The following QTRT2 variants were observed in gnomAD, a reference collection of about 807,000 sequenced individuals.
QTRT2 encodes queuine tRNA-ribosyltransferase accessory subunit 2.
In QTRT2, 32 loss-of-function variants were observed where a neutral mutation model predicts 44.8. That is an observed-to-expected ratio of 0.71 (90% CI 0.54 to 0.96). QTRT2 has a LOEUF of 0.96. Among genes scored for constraint, QTRT2 ranks in the 40% least tolerant of loss-of-function variants. QTRT2 has a pLI of 0.00. For synonymous variants in QTRT2, 182 were observed against 187.4 expected (o/e 0.97, Z 0.24); for missense variants, 461 against 503.1 (o/e 0.92, Z 0.80).
At chr3:114,072,339 G>A (rs2077034996) in intron 6 of QTRT2, among the ~76,000 whole-genome samples, 1 of 152,122 alleles carries the variant, frequency 6.6e-6, no homozygotes, top group Admixed American at 6.5e-5. Context: ...TTTTAGCTGA[G>A]ACGAGGTTTC....
At chr3:114,056,892 GGGAGCTGCTA>G in intron 1 of QTRT2, 28 bp downstream of exon 1, 1 of 1,535,288 alleles carries the variant, frequency 6.5e-7, no homozygotes, top group Non-Finnish European at 8.7e-7. Flanking sequence ...CTGCTGGTGT[GGGAGCTGCTA>G]GAGATGGATG....
chr3:114,067,934 A>G (rs1441460272), intron 4 of QTRT2, 53 bp from the exon 5 acceptor site: 2 of 1,492,380 alleles, frequency 1.3e-6, no homozygotes, highest in East Asian at 2.3e-5. Context: ...GCTATAATAC[A>G]GTGTCATTGT....
chr3:114,086,286 G>A lies in QTRT2; in HGVS notation c.*382G>A. 4.0e-6 allele frequency: 1 copy of A among 250,704 alleles called. No homozygotes were observed. Among genetic ancestry groups the A allele is most frequent in the South Asian group, 5.1e-5 (1 of 19,692 alleles). The allele number at this position is 250,704 out of a possible 1,614,324, so 15.5% of individuals were successfully genotyped here. A position where few individuals can be genotyped will look rare whatever the true frequency, so the allele number is the denominator to read the frequency against. On this transcript the variant is annotated 3_prime_UTR_variant, in exon 10 of 10. Transcript: ENST00000281273. ...GAGGGGAAATGGTGTGAGACGAATG[G>A]GCTCTGGACATATGCCTGTTGATTT...
rs1231944050 is a variant in QTRT2 at position 114,085,693 on chromosome 3, C to T, written c.1037C>T (p.Pro346Leu). ...KEKKYQEDFN[P>L]LVRGCSCYCC... is the part of the protein sequence containing the mutation. ...CTTAGGTACCAGGAGGACTTTAACC[C>T]GCTGGTGAGAGGATGTTCCTGTTAC... The change falls in exon 10 of 10, where the codon CCG becomes CTG. Residue 346 changes from proline (P) to leucine (L), a missense_variant. Transcript: ENST00000281273. 8 of 1,613,922 alleles carry T rather than the reference C, an allele frequency of 5.0e-6. No homozygotes were observed. The highest frequency in any genetic ancestry group is 1.3e-5 in the African/African-American group (1 of 74,918).
chr3:114,062,139 G>C (rs755141151), intron 2 of QTRT2, among the ~76,000 whole-genome samples: 6 of 152,088 alleles, frequency 3.9e-5, no homozygotes, highest in Non-Finnish European at 8.8e-5. Context: ...GTCAAGGCAG[G>C]AGGATCACTT....
At chr3:114,068,646 A>G (rs1038840433) in intron 5 of QTRT2, among the ~76,000 whole-genome samples, 3 of 152,148 alleles carry the variant, frequency 2.0e-5, no homozygotes, top group African/African-American at 7.2e-5. Context: ...CTTTTCCTGC[A>G]CTCACTTTAT....
At chr3:114,085,128 C>T (rs2077218287) in intron 9 of QTRT2, among the ~76,000 whole-genome samples, 1 of 152,166 alleles carries the variant, frequency 6.6e-6, no homozygotes, top group African/African-American at 2.4e-5. Flanking sequence ...TCTGATGCTC[C>T]TTTGTAACCC....
intron 6 of QTRT2, among the ~76,000 whole-genome samples, chr3:114,073,908 A>G (rs2077056379): frequency 6.6e-6 from 1 of 152,166 alleles, no homozygotes; most frequent in Non-Finnish European, 1.5e-5. Context: ...ATCTTTTCCC[A>G]TGATTCCCTC....
At chr3:114,068,197 G>C in intron 5 of QTRT2, 134 bp downstream of exon 5, 1 of 706,450 alleles carries the variant, frequency 1.4e-6, no homozygotes, top group Non-Finnish European at 2.5e-6. Flanking sequence ...TAATTATAGT[G>C]GGATGGGATG....
At chr3:114,080,188 T>C (rs2077149588) in intron 8 of QTRT2, 131 bp downstream of exon 8, 1 of 674,328 alleles carries the variant, frequency 1.5e-6, no homozygotes, top group Non-Finnish European at 2.5e-6. Context: ...CTGTTTCTTA[T>C]CTGTGTGCTC....
intron 6 of QTRT2, among the ~76,000 whole-genome samples, chr3:114,073,446 C>A (rs540807440): frequency 1.8e-4 from 27 of 152,242 alleles, no homozygotes; most frequent in African/African-American, 6.3e-4. Context: ...GCGGTGCGAT[C>A]TCAGCTCACT....
chr3:114,068,951 A>G (rs971630605), intron 5 of QTRT2, among the ~76,000 whole-genome samples: 1 of 151,974 alleles, frequency 6.6e-6, no homozygotes, highest in African/African-American at 2.4e-5. Flanking sequence ...TGGGAGGTGG[A>G]GGCAAGAGAA....
At chr3:114,068,321 A>G (rs2076981104) in intron 5 of QTRT2, 2 of 365,730 alleles carry the variant, frequency 5.5e-6, no homozygotes, top group Non-Finnish European at 1.0e-5. Context: ...GGTCAAATAC[A>G]TGCCAAAAAA....
chr3:114,070,864 T>G, intron 6 of QTRT2, 26 bp downstream of exon 6: 1 of 1,589,978 alleles, frequency 6.3e-7, no homozygotes, highest in Non-Finnish European at 8.6e-7. Flanking sequence ...TAACCACTCC[T>G]TTCTCTTGAC....
chr3:114,056,996 C>A lies in QTRT2; in HGVS notation c.-129-3C>A. On this transcript the variant is annotated splice_region_variant and splice_polypyrimidine_tract_variant and intron_variant, in intron 1 of 9. Coordinates refer to ENST00000281273, the MANE Select transcript of QTRT2 (RefSeq NM_024638.4). Reference sequence around the variant, plus strand: ...GCCATGTCTCCTCTGCTTCCCTTTTCAGGGTGTCCTGGTGGATTGGTTTCT... The same window carrying A: ...GCCATGTCTCCTCTGCTTCCCTTTTAAGGGTGTCCTGGTGGATTGGTTTCT... The A allele has an allele frequency of 1.4e-6, 2 of 1,441,738 alleles. No individual in the cohort carries two copies. Among genetic ancestry groups the A allele is most frequent in the Non-Finnish European group, 1.8e-6 (2 of 1,102,304 alleles). The allele number at this position is 1,441,738 out of a possible 1,614,324, so 89.3% of individuals were successfully genotyped here. A position where few individuals can be genotyped will look rare whatever the true frequency, so the allele number is the denominator to read the frequency against.
intron 3 of QTRT2, among the ~76,000 whole-genome samples, chr3:114,065,679 A>G (rs1241783386): frequency 6.6e-6 from 1 of 152,130 alleles, no homozygotes; most frequent in Non-Finnish European, 1.5e-5. Context: ...CTCCAAACCT[A>G]CAGTCCCATA....
Position 114,079,966 on chromosome 3 carries a change from CTTAT to C in QTRT2, c.810_813del (p.Phe271ArgfsTer8). 6.2e-7 allele frequency: 1 copy of C among 1,613,728 alleles called. No homozygotes were observed. Among genetic ancestry groups the C allele is most frequent in the Non-Finnish European group, 8.5e-7 (1 of 1,179,802 alleles). On this transcript the variant is annotated frameshift_variant, in exon 8 of 10. Transcript: ENST00000281273. LOFTEE classifies it high-confidence loss of function. ...TCGAGTGTATTGAAAGAGGAGTGGA[CTTAT>C]TTGAGAGTTTTTTCCCTTATCAAGT...
At chr3:114,058,787 T>TC (rs1258236718) in intron 2 of QTRT2, among the ~76,000 whole-genome samples, 9 of 152,208 alleles carry the variant, frequency 5.9e-5, no homozygotes, top group Non-Finnish European at 1.0e-4. Context: ...CACTTCGGAC[T>TC]CCCAGAGTGC....
chr3:114,075,587 C>T (rs2077079220), intron 6 of QTRT2, among the ~76,000 whole-genome samples: 1 of 150,794 alleles, frequency 6.6e-6, no homozygotes, highest in Non-Finnish European at 1.5e-5. Context: ...CCACTCAGCG[C>T]AGCCTCCTCC....
Sources: allele counts gnomAD v4.1 joint callset (sites outside exome capture counted in the v4.1 genomes callset), GRCh38; gene constraint gnomAD v4.1.1; transcripts MANE v1.5; gene names NCBI Gene and HGNC (gene_info 2026-07-23, HGNC 2026-07-21).